Variants in TNNI3K observed in about 807,000 individuals in gnomAD.
The protein encoded by TNNI3K is TNNI3 interacting kinase.
In TNNI3K, 140 loss-of-function variants were observed where a neutral mutation model predicts 114.5. The observed-to-expected ratio is 1.22, with a 90% confidence interval of 1.07 to 1.41. TNNI3K has a LOEUF of 1.41. TNNI3K is among the 40% of genes most tolerant of loss of function. The pLI is 0.00. For missense variants in TNNI3K, 1,125 were observed against 1,007.6 expected (o/e 1.12, Z -1.58); for synonymous variants, 347 against 347.5 (o/e 1.00, Z 0.02).
chr1:74,255,886 T>C (rs1349077886), intron 4 of TNNI3K, among the ~76,000 whole-genome samples: 1 of 152,212 alleles, frequency 6.6e-6, no homozygotes, highest in African/African-American at 2.4e-5. Flanking sequence ...GTATGTTTTC[T>C]TTTCTATATG....
intron 21 of TNNI3K, among the ~76,000 whole-genome samples, chr1:74,486,112 G>C (rs1184174948): frequency 2.0e-5 from 3 of 151,404 alleles, no homozygotes; most frequent in African/African-American, 7.3e-5. Flanking sequence ...CCTGAATTCT[G>C]TCCTCTGTTC....
chr1:74,236,828 A>G (rs1173461735), intron 2 of TNNI3K, among the ~76,000 whole-genome samples: 1 of 151,870 alleles, frequency 6.6e-6, no homozygotes, highest in Non-Finnish European at 1.5e-5. Context: ...CAAGACCCTT[A>G]TATACACAAA....
At chr1:74,466,518 G>A (rs1340886222) in intron 21 of TNNI3K, among the ~76,000 whole-genome samples, 1 of 152,192 alleles carries the variant, frequency 6.6e-6, no homozygotes, top group African/African-American at 2.4e-5. Flanking sequence ...AAGTTGTACT[G>A]TTAAGAAGTG....
chr1:74,393,841 A>G (rs1332950038), intron 17 of TNNI3K, among the ~76,000 whole-genome samples: 2 of 152,112 alleles, frequency 1.3e-5, no homozygotes, highest in African/African-American at 2.4e-5. Context: ...CACACAACCT[A>G]GATCCCTTGC....
intron 20 of TNNI3K, among the ~76,000 whole-genome samples, chr1:74,462,448 A>G (rs1364411890): frequency 2.6e-5 from 4 of 152,226 alleles, no homozygotes; most frequent in Admixed American, 2.6e-4. Context: ...ACAGGGCATC[A>G]TGTGTTGATT....
intron 17 of TNNI3K, among the ~76,000 whole-genome samples, chr1:74,392,161 T>C (rs1663821211): frequency 6.6e-6 from 1 of 152,016 alleles, no homozygotes; most frequent in Non-Finnish European, 1.5e-5. Context: ...CCACTTATAA[T>C]AAGTCTGTCA....
intron 23 of TNNI3K, among the ~76,000 whole-genome samples, chr1:74,532,078 A>G (rs12042908): frequency 0.41 from 61,938 of 152,150 alleles, 14,991 homozygotes; most frequent in Non-Finnish European, 0.56. Context: ...TCTGCTCAAC[A>G]TAGCCCAGGC....
chr1:74,464,593 T>C (rs773800872), intron 21 of TNNI3K: 3 of 1,530,664 alleles, frequency 2.0e-6, no homozygotes, highest in East Asian at 2.4e-5. Flanking sequence ...CCAGTCCAGA[T>C]GTTTGAAAAG....
chr1:74,310,835 T>G (rs1484374843), intron 5 of TNNI3K, among the ~76,000 whole-genome samples: 1 of 152,106 alleles, frequency 6.6e-6, no homozygotes, highest in African/African-American at 2.4e-5. Flanking sequence ...CTTGGTAAAT[T>G]TTTTTATAAC....
chr1:74,442,147 T>C (rs1206117885), intron 20 of TNNI3K, among the ~76,000 whole-genome samples: 1 of 152,042 alleles, frequency 6.6e-6, no homozygotes, highest in Non-Finnish European at 1.5e-5. Flanking sequence ...TTGGGTTGAA[T>C]TTGGTATTCT....
At position 74,239,401 on chromosome 1, in the gene TNNI3K, A is replaced by C. The variant is rs150823558; in HGVS notation, c.149+3191A>C. 2.0e-3 allele frequency among the ~76,000 whole-genome samples: 310 copies of C among 152,236 alleles called. 3 individuals are homozygous for C. The highest frequency in any genetic ancestry group is 6.7e-3 in the African/African-American group (279 of 41,568). ...CAAACCTAACACTGTATGAAATGAC[A>C]TTTAAATGAGTATCTAGAGCATTAT... is the stretch of plus-strand genomic sequence containing the variant. On this transcript the variant is annotated intron_variant, in intron 2 of 24. Transcript: ENST00000326637.
intron 23 of TNNI3K, among the ~76,000 whole-genome samples, chr1:74,521,826 T>C (rs1405766347): frequency 6.6e-6 from 1 of 152,170 alleles, no homozygotes; most frequent in East Asian, 1.9e-4. Flanking sequence ...ATGTTAAGTG[T>C]TTTGATCCCT....
At chr1:74,417,629 A>C (rs1570595480) in intron 17 of TNNI3K, among the ~76,000 whole-genome samples, 1 of 151,694 alleles carries the variant, frequency 6.6e-6, no homozygotes, top group African/African-American at 2.4e-5. Flanking sequence ...GGTCTGAACT[A>C]ACAGGGTTAC....
At chr1:74,442,973 A>G (rs1488995248) in intron 20 of TNNI3K, among the ~76,000 whole-genome samples, 3 of 152,204 alleles carry the variant, frequency 2.0e-5, no homozygotes, top group Non-Finnish European at 1.5e-5. Context: ...AGTGAGAACA[A>G]AGAGACAACA....
At chr1:74,539,512 G>A (rs1377214537) in intron 23 of TNNI3K, among the ~76,000 whole-genome samples, 1 of 152,144 alleles carries the variant, frequency 6.6e-6, no homozygotes. Flanking sequence ...GGAAGGAAGT[G>A]ACCCCATTTA....
At chr1:74,409,856 A>AT (rs1557549287) in intron 17 of TNNI3K, among the ~76,000 whole-genome samples, 1 of 151,822 alleles carries the variant, frequency 6.6e-6, no homozygotes. Flanking sequence ...GGGATTTTAT[A>AT]TTTTTTATTA....
chr1:74,236,118 A>T lies in TNNI3K; in HGVS notation c.57A>T (p.Lys19Asn). 2.5e-6 allele frequency: 4 copies of T among 1,606,140 alleles called. No individual in the cohort carries two copies. Among genetic ancestry groups the T allele is most frequent in the Non-Finnish European group, 3.4e-6 (4 of 1,175,262 alleles). ...TQTCTDEWKKKVSESYVITIE... is the reference protein window; with the variant it reads ...TQTCTDEWKKNVSESYVITIE... ...CTTTACTAGATGAATGGAAGAAAAA[A>T]GTCAGTGAATCATATGTTATCACAA... is the stretch of plus-strand genomic sequence containing the variant. Residue 19 changes from lysine (K) to asparagine (N), a missense_variant, in exon 2 of 25, where the codon AAA becomes AAT. Coordinates refer to ENST00000326637, the MANE Select transcript of TNNI3K (RefSeq NM_015978.3).
At chr1:74,326,337 G>T (rs2100397736) in intron 5 of TNNI3K, among the ~76,000 whole-genome samples, 1 of 152,034 alleles carries the variant, frequency 6.6e-6, no homozygotes, top group African/African-American at 2.4e-5. Context: ...CTTTAACCCT[G>T]CCCAATGACT....
intron 17 of TNNI3K, among the ~76,000 whole-genome samples, chr1:74,418,616 T>A (rs1001916416): frequency 6.6e-6 from 1 of 152,062 alleles, no homozygotes; most frequent in Non-Finnish European, 1.5e-5. Flanking sequence ...TGGGTAAAAA[T>A]TTACGGAAAA....
Sources: allele counts gnomAD v4.1 joint callset (sites outside exome capture counted in the v4.1 genomes callset), GRCh38; gene constraint gnomAD v4.1.1; transcripts MANE v1.5; gene names NCBI Gene and HGNC (gene_info 2026-07-23, HGNC 2026-07-21).